PCDHA7: variants seen among roughly 807,000 people sequenced by gnomAD.
The protein encoded by PCDHA7 is protocadherin alpha-7.
In PCDHA7, 37 loss-of-function variants were observed where a neutral mutation model predicts 57.2. The ratio of observed to expected loss-of-function variants is 0.65; its 90% confidence interval spans 0.50 to 0.85. PCDHA7 has a LOEUF of 0.85. Ranked by LOEUF, PCDHA7 falls within the 40% of genes least tolerant of loss-of-function variation. The pLI is 0.00. For synonymous variants in PCDHA7, 553 were observed against 558.8 expected (o/e 0.99, Z 0.15); for missense variants, 1,188 against 1,241.8 (o/e 0.96, Z 0.65).
chr5:140,991,885 A>G (rs1554252463), intron 3 of PCDHA7, among the ~76,000 whole-genome samples: 1 of 152,198 alleles, frequency 6.6e-6, no homozygotes, highest in Non-Finnish European at 1.5e-5. Context: ...GGCTGCCATA[A>G]CAAATTAACA....
At chr5:140,927,848 G>C (rs1295513512) in intron 1 of PCDHA7, 1 of 1,614,180 alleles carries the variant, frequency 6.2e-7, no homozygotes, top group African/African-American at 1.3e-5. Flanking sequence ...GGTGTCTTTG[G>C]TTTAGCTAGC....
At chr5:140,925,124 A>AGGAAGGAAGGAAGG (rs1554202565) in intron 1 of PCDHA7, among the ~76,000 whole-genome samples, 2 of 151,856 alleles carry the variant, frequency 1.3e-5, no homozygotes, top group African/African-American at 2.4e-5. Context: ...GAAGGAAGGA[A>AGGAAGGAAGGAAGG]AAAAAATTTC....
At chr5:140,903,500 G>A (rs553764100) in intron 1 of PCDHA7, among the ~76,000 whole-genome samples, 1 of 152,184 alleles carries the variant, frequency 6.6e-6, no homozygotes, top group African/African-American at 2.4e-5. Flanking sequence ...AGGTACCATA[G>A]ATAATAGTTC....
chr5:140,913,558 G>T (rs1042223174), intron 1 of PCDHA7, among the ~76,000 whole-genome samples: 5 of 151,668 alleles, frequency 3.3e-5, no homozygotes, highest in Admixed American at 3.3e-4. Flanking sequence ...TTGATCTCTT[G>T]TATTTTCATC....
intron 1 of PCDHA7, among the ~76,000 whole-genome samples, chr5:140,902,203 C>CTTT (rs148688132): frequency 4.8e-5 from 6 of 124,458 alleles, no homozygotes; most frequent in Non-Finnish European, 8.4e-5. Flanking sequence ...CTCTCTCTTT[C>CTTT]TTTTTTTTTT....
intron 1 of PCDHA7, among the ~76,000 whole-genome samples, chr5:140,837,527 T>C (rs925860882): frequency 1.3e-5 from 2 of 151,856 alleles, no homozygotes; most frequent in African/African-American, 2.4e-5. Flanking sequence ...TTTTTTTGTA[T>C]ATTCCCAAGA....
chr5:140,982,843 A>G (rs782122104), intron 3 of PCDHA7, among the ~76,000 whole-genome samples: 1 of 152,090 alleles, frequency 6.6e-6, no homozygotes, highest in Non-Finnish European at 1.5e-5. Flanking sequence ...GTTTGTTTAA[A>G]TCAGGTACCT....
chr5:141,009,975 GTAA>G lies in PCDHA7; in HGVS notation c.*43_*45del. The G allele has an allele frequency of 6.3e-7, 1 of 1,585,060 alleles. No individual in the cohort carries two copies. Among genetic ancestry groups the G allele is most frequent in the Non-Finnish European group, 8.6e-7 (1 of 1,168,878 alleles). ...GAAACAAGCCACTTAGCCAGTTTTT[GTAA>G]TAATGGCAAATCTCTCCCATGTAGC... On this transcript the variant is annotated 3_prime_UTR_variant, in exon 4 of 4. Coordinates refer to ENST00000525929, the MANE Select transcript of PCDHA7 (RefSeq NM_018910.3).
intron 1 of PCDHA7, among the ~76,000 whole-genome samples, chr5:140,955,756 A>G (rs987029779): frequency 2.6e-5 from 4 of 152,182 alleles, no homozygotes; most frequent in African/African-American, 9.7e-5. Flanking sequence ...TATTGCCATA[A>G]CACTGATTCT....
At chr5:140,934,574 A>G in intron 1 of PCDHA7, among the ~76,000 whole-genome samples, 1 of 152,124 alleles carries the variant, frequency 6.6e-6, no homozygotes, top group Non-Finnish European at 1.5e-5. Flanking sequence ...AATTAATTGT[A>G]ACATTTCTGT....
chr5:140,892,555 T>C (rs1554185273), intron 1 of PCDHA7, among the ~76,000 whole-genome samples: 1 of 152,260 alleles, frequency 6.6e-6, no homozygotes, highest in African/African-American at 2.4e-5. Context: ...TCTCTAGTCC[T>C]TGGAGACTGT....
At chr5:140,862,636 T>C in intron 1 of PCDHA7, 1 of 539,338 alleles carries the variant, frequency 1.9e-6, no homozygotes, top group East Asian at 5.1e-5. Flanking sequence ...CTGCCACGAC[T>C]TCACAGTGTC....
chr5:141,008,837 C>G (rs1460664317), intron 3 of PCDHA7, among the ~76,000 whole-genome samples: 1 of 152,178 alleles, frequency 6.6e-6, no homozygotes, highest in Non-Finnish European at 1.5e-5. Flanking sequence ...CATCCTCTTA[C>G]GCTGTGTATT....
chr5:140,853,383 A>G lies in PCDHA7; in HGVS notation c.2355+16645A>G, dbSNP rs896759512. ...GGATCCAGAGATGGTAAAATTCAAA[A>G]CAGCCTGTCAAGTTCAAAACAGAGA... On this transcript the variant is annotated intron_variant, in intron 1 of 3. Transcript: ENST00000525929. The G allele has an allele frequency of 5.1e-6, 5 of 985,712 alleles. No individual in the cohort carries two copies. In the South Asian group the frequency reaches 2.4e-4, roughly 47 times the overall value. The allele number at this position is 985,712 out of a possible 1,614,324, so 61.1% of individuals were successfully genotyped here. A position where few individuals can be genotyped will look rare whatever the true frequency, so the allele number is the denominator to read the frequency against.
At chr5:140,877,240 G>A (rs1481558429) in intron 1 of PCDHA7, 2 of 1,613,736 alleles carry the variant, frequency 1.2e-6, no homozygotes, top group Non-Finnish European at 1.7e-6. Context: ...TGCGGGCCAC[G>A]TGGTGGCGAA....
intron 1 of PCDHA7, chr5:140,870,960 C>T: frequency 6.2e-7 from 1 of 1,613,670 alleles, no homozygotes; most frequent in Non-Finnish European, 8.5e-7. Context: ...GCTCGCGCAT[C>T]CCGTTCCGCG....
intron 1 of PCDHA7, among the ~76,000 whole-genome samples, chr5:140,952,792 T>C (rs2094798499): frequency 6.6e-6 from 1 of 152,210 alleles, no homozygotes; most frequent in African/African-American, 2.4e-5. Flanking sequence ...GAGGTTTAAC[T>C]GGCTCGCAGT....
chr5:140,974,322 G>A (rs11743888), intron 1 of PCDHA7, among the ~76,000 whole-genome samples: 7,497 of 152,260 alleles, frequency 0.049, 207 homozygotes, highest in Middle Eastern at 0.068. Flanking sequence ...GAGAGTAGCT[G>A]CTGTGCTAGC....
intron 3 of PCDHA7, 32 bp from the exon 4 acceptor site, chr5:141,009,595 C>T (rs781807814): frequency 6.2e-7 from 1 of 1,604,124 alleles, no homozygotes; most frequent in Admixed American, 1.7e-5. Context: ...TGTGTTGACC[C>T]TGTTAATGAT....
Sources: allele counts gnomAD v4.1 joint callset (sites outside exome capture counted in the v4.1 genomes callset), GRCh38; gene constraint gnomAD v4.1.1; transcripts MANE v1.5; gene names NCBI Gene and HGNC (gene_info 2026-07-23, HGNC 2026-07-21).